Variants in WDR41 observed in about 807,000 individuals in gnomAD.
WDR41 encodes the protein WD repeat domain 41, also known as WD repeat-containing protein 41.
A neutral mutation model predicts 69.3 loss-of-function variants in WDR41; 63 were observed. The ratio of observed to expected loss-of-function variants is 0.91; its 90% CI spans 0.74 to 1.12. WDR41 has a LOEUF of 1.12. Ranked by LOEUF, WDR41 falls within the 50% of genes most tolerant of loss-of-function variation. The pLI, the probability that WDR41 is intolerant of heterozygous loss-of-function variation, is 0.00. For missense variants in WDR41, 543 were observed against 534.5 expected (o/e 1.02, Z -0.16); for synonymous variants, 185 against 192.1 (o/e 0.96, Z 0.31).
Position 77,479,693 on chromosome 5 carries a change from A to C in WDR41, c.167+9764T>G, listed in dbSNP as rs1242935377. ...CAATTCAAGATGGATTAAAGACATA[A>C]ACGTTAGACCTAAAACCATAAAAAC... On this transcript the variant is annotated intron_variant, in intron 2 of 12. Coordinates refer to ENST00000296679, the MANE Select transcript of WDR41 (RefSeq NM_018268.4). Among the ~76,000 whole-genome samples, 203 of 152,334 alleles carry C rather than the reference A, an allele frequency of 1.3e-3. 3 individuals carry two copies. The highest frequency in any genetic ancestry group is 4.6e-3 in the Admixed American group (71 of 15,302).
intron 1 of WDR41, chr5:77,582,294 G>C: frequency 1.5e-6 from 2 of 1,336,354 alleles, no homozygotes; most frequent in Non-Finnish European, 2.1e-6. Context: ...CAGCAAGAAA[G>C]TAGACAATAT....
intron 1 of WDR41, among the ~76,000 whole-genome samples, chr5:77,549,074 C>A (rs1432798393): frequency 6.7e-6 from 1 of 149,482 alleles, no homozygotes; most frequent in South Asian, 2.1e-4. Context: ...ATAGTGGGAG[C>A]TAAGCTATGA....
chr5:77,554,905 G>A (rs1282292138), intron 1 of WDR41, among the ~76,000 whole-genome samples: 1 of 151,802 alleles, frequency 6.6e-6, no homozygotes, highest in Non-Finnish European at 1.5e-5. Context: ...GATCACTTGA[G>A]CCCAGGAATT....
chr5:77,476,274 C>A (rs561661223), intron 2 of WDR41, among the ~76,000 whole-genome samples: 1 of 151,932 alleles, frequency 6.6e-6, no homozygotes, highest in African/African-American at 2.4e-5. Flanking sequence ...GGAGAACTTC[C>A]CCAATCTAGC....
intron 1 of WDR41, among the ~76,000 whole-genome samples, chr5:77,619,861 T>G (rs1744744615): frequency 6.6e-6 from 1 of 152,106 alleles, no homozygotes; most frequent in Admixed American, 6.6e-5. Flanking sequence ...AAAAGGTGCC[T>G]CTGTATACTT....
rs1798780515 is a variant in WDR41 at position 77,432,910 on chromosome 5, A to G, written c.*225T>C. On this transcript the variant is annotated 3_prime_UTR_variant, in exon 13 of 13. Transcript: ENST00000296679. The stretch of plus-strand genomic sequence containing the variant: ...GCACTCACCACTTCAACAGCAGCTC[A>G]AAGTCAAATGGAAAAACTTGTGGTA... 1 of 443,808 alleles carries G rather than the reference A, an allele frequency of 2.3e-6. No homozygotes were observed. The highest frequency in any genetic ancestry group is 3.9e-6 in the Non-Finnish European group (1 of 255,024). The allele number at this position is 443,808 out of a possible 1,614,324, so 27.5% of individuals were successfully genotyped here. A position where few individuals can be genotyped will look rare whatever the true frequency, so the allele number is the denominator to read the frequency against.
At chr5:77,487,278 T>G (rs1331609037) in intron 2 of WDR41, among the ~76,000 whole-genome samples, 6 of 152,234 alleles carry the variant, frequency 3.9e-5, no homozygotes, top group African/African-American at 1.4e-4. Context: ...AGATTTTCTT[T>G]AATCTAGCAA....
At position 77,433,134 on chromosome 5, in the gene WDR41, A is replaced by T; in HGVS notation, c.*1T>A. 1 of 1,610,274 alleles carries T rather than the reference A, an allele frequency of 6.2e-7. No individual in the cohort carries two copies. Among genetic ancestry groups the T allele is most frequent in the Non-Finnish European group, 8.5e-7 (1 of 1,178,656 alleles). ...TGCATGTGTATTTTTAATTCCTTAA[A>T]CTAGACAGCAAGGTATAAGTCACCA... On this transcript the variant is annotated 3_prime_UTR_variant, in exon 13 of 13. Coordinates refer to ENST00000296679, the MANE Select transcript of WDR41 (RefSeq NM_018268.4).
rs528261677 is a variant in WDR41 at position 77,619,649 on chromosome 5, A to C, written c.42+830T>G. On this transcript the variant is annotated intron_variant, in intron 1 of 5. Coordinates refer to the WDR41 transcript ENST00000509971. ...AACAACAGGATTACCATAGGGAAGG[A>C]AGAAGAAAACTCAGGGCAGGATATT... 2.6e-5 allele frequency among the ~76,000 whole-genome samples: 4 copies of C among 152,326 alleles called. No individual in the cohort carries two copies. The South Asian group carries it at 8.3e-4, about 32-fold the overall frequency.
chr5:77,440,981 GGT>G lies in WDR41; in HGVS notation c.712_713del (p.Thr238ArgfsTer21). ...TGATCAGCTCTCCGACGTGGGAGCCGGTGACAAAACTCAAATCTAGGCAAAGT... is the reference window on the plus strand; with the variant it reads ...TGATCAGCTCTCCGACGTGGGAGCCGGACAAAACTCAAATCTAGGCAAAGT... ...LINVNDLSFV[T>X]GSHVGELIIW... On this transcript the variant is annotated frameshift_variant, in exon 9 of 13. Coordinates refer to ENST00000296679, the MANE Select transcript of WDR41 (RefSeq NM_018268.4). LOFTEE classifies it high-confidence loss of function. 1 of 1,612,942 alleles carries G rather than the reference GGT, an allele frequency of 6.2e-7. No individual in the cohort carries two copies.
intron 1 of WDR41, among the ~76,000 whole-genome samples, chr5:77,578,477 C>T (rs1743875188): frequency 6.6e-6 from 1 of 152,074 alleles, no homozygotes; most frequent in African/African-American, 2.4e-5. Flanking sequence ...ATGGCCCATA[C>T]ATCTGATAGC....
intron 1 of WDR41, among the ~76,000 whole-genome samples, chr5:77,604,833 G>A (rs1020431954): frequency 1.2e-4 from 18 of 152,118 alleles, no homozygotes; most frequent in African/African-American, 3.9e-4. Context: ...TTTATGTACT[G>A]AGGTAGAAAT....
intron 1 of WDR41, among the ~76,000 whole-genome samples, chr5:77,558,063 T>C (rs529017034): frequency 2.4e-5 from 2 of 84,904 alleles, no homozygotes; most frequent in South Asian, 6.4e-4. Flanking sequence ...AGGGAAGAAA[T>C]GAACACATAG....
At chr5:77,575,659 TGC>T in intron 1 of WDR41, among the ~76,000 whole-genome samples, 1 of 152,186 alleles carries the variant, frequency 6.6e-6, no homozygotes, top group Non-Finnish European at 1.5e-5. Context: ...ATACTAATTG[TGC>T]AACCTGTTCA....
chr5:77,596,121 C>T (rs1003773191), intron 1 of WDR41, among the ~76,000 whole-genome samples: 3 of 152,124 alleles, frequency 2.0e-5, no homozygotes, highest in African/African-American at 7.2e-5. Context: ...CCTGTCTTTA[C>T]AATAATATAA....
chr5:77,582,733 G>A (rs1392035371), intron 1 of WDR41: 1 of 1,592,726 alleles, frequency 6.3e-7, no homozygotes, highest in Non-Finnish European at 8.5e-7. Context: ...AATCTTCAAT[G>A]GAACCTTTGT....
chr5:77,474,579 C>G (rs1034808454), intron 2 of WDR41, among the ~76,000 whole-genome samples: 1 of 152,134 alleles, frequency 6.6e-6, no homozygotes, highest in Non-Finnish European at 1.5e-5. Flanking sequence ...TAGATGCTGA[C>G]GCAACCAATT....
In WDR41 at chr5:77,583,320, G is replaced by A. The variant is rs1191461321; in HGVS notation, c.42+37159C>T. ...ACTTGAGCTCAGGAGTTCAAGACCAGCCTGAGCAACATGGTGAAACTCCAT... is the reference window on the plus strand; with the variant it reads ...ACTTGAGCTCAGGAGTTCAAGACCAACCTGAGCAACATGGTGAAACTCCAT... On this transcript the variant is annotated intron_variant, in intron 1 of 5. Coordinates refer to the WDR41 transcript ENST00000509971. Among the ~76,000 whole-genome samples the A allele has an allele frequency of 2.6e-5, 4 of 151,382 alleles. No homozygotes were observed. In the South Asian group the frequency reaches 8.4e-4, roughly 32 times the overall value.
intron 1 of WDR41, among the ~76,000 whole-genome samples, chr5:77,551,770 G>T (rs1032525873): frequency 6.6e-6 from 1 of 151,402 alleles, no homozygotes; most frequent in African/African-American, 2.4e-5. Context: ...CTGAGGTCAG[G>T]AGTTTGAGAC....
Sources: gnomAD v4.1 joint callset for allele counts (sites outside exome capture counted in the v4.1 genomes callset) on GRCh38, gnomAD v4.1.1 for gene constraint, MANE v1.5 for transcripts, NCBI Gene and HGNC (gene_info 2026-07-23, HGNC 2026-07-21) for gene names.